MTHFD2L: variants seen among roughly 807,000 people sequenced by gnomAD.
The protein encoded by MTHFD2L is methylenetetrahydrofolate dehydrogenase (NADP+ dependent) 2 like, also known as bifunctional methylenetetrahydrofolate dehydrogenase/cyclohydrolase 2, mitochondrial.
Under a neutral mutation model 34.9 loss-of-function variants are expected in MTHFD2L, and 29 were observed. The observed-to-expected ratio is 0.83, with a 90% CI of 0.62 to 1.13. MTHFD2L has a LOEUF of 1.13. Ranked by LOEUF, MTHFD2L falls within the 50% of genes most tolerant of loss-of-function variation. The probability of loss-of-function intolerance (pLI) is 0.00; values close to 1 mark genes in which losing one functional copy is unlikely to be tolerated. For synonymous variants in MTHFD2L, 167 were observed against 155.7 expected, an observed-to-expected ratio of 1.07 and a Z score of -0.54; for missense variants, 481 against 446.5, an observed-to-expected ratio of 1.08 and a Z score of -0.70.
chr4:74,292,657 T>C (rs892987936), intron 7 of MTHFD2L, among the ~76,000 whole-genome samples: 3 of 152,090 alleles, frequency 2.0e-5, no homozygotes, highest in Non-Finnish European at 4.4e-5. Context: ...GAAAGGGAGA[T>C]ATTTTTAGTA....
chr4:74,203,860 T>C (rs1734854709), intron 5 of MTHFD2L, among the ~76,000 whole-genome samples: 1 of 151,060 alleles, frequency 6.6e-6, no homozygotes, highest in African/African-American at 2.4e-5. Flanking sequence ...AGTATACTAT[T>C]TCTTCTTGGA....
chr4:74,169,532 A>G (rs945743228), intron 1 of MTHFD2L, among the ~76,000 whole-genome samples: 52 of 152,266 alleles, frequency 3.4e-4, no homozygotes, highest in Non-Finnish European at 1.5e-4. Context: ...AATAGAATGT[A>G]TATTCCTTAC....
intron 1 of MTHFD2L, among the ~76,000 whole-genome samples, chr4:74,139,088 G>A (rs980536138): frequency 1.3e-5 from 2 of 152,272 alleles, no homozygotes; most frequent in East Asian, 1.9e-4. Context: ...TTGTTTTGGT[G>A]TTTATTGGGT....
chr4:74,201,416 C>G (rs1201263976), intron 5 of MTHFD2L, 46 bp downstream of exon 5: 2 of 1,368,318 alleles, frequency 1.5e-6, no homozygotes, highest in Non-Finnish European at 2.1e-6. Context: ...AGTATTCTTA[C>G]TTCTTACATC....
At position 74,301,754 on chromosome 4, in the gene MTHFD2L, C is replaced by T; in HGVS notation, c.989C>T (p.Thr330Ile). The T allele has an allele frequency of 6.2e-7, 1 of 1,608,790 alleles. No individual in the cohort carries two copies. The highest frequency in any genetic ancestry group is 8.5e-7 in the Non-Finnish European group (1 of 1,177,102). Residue 330 changes from threonine to isoleucine, a missense_variant, in exon 8 of 8, where the codon ACA (threonine) becomes ATA (isoleucine). By Grantham distance (89) the Thr-to-Ile change is moderately conservative (BLOSUM62 -1). Coordinates refer to ENST00000325278, the MANE Select transcript of MTHFD2L (RefSeq NM_001144978.3). The stretch of plus-strand genomic sequence containing the variant: ...GTTCCAGGAGGTGTGGGACCCATGA[C>T]AGTGGCAATGCTTCTGAAGAACACC... ...TPVPGGVGPM[T>I]VAMLLKNTLL... is the part of the protein sequence containing the mutation.
intron 6 of MTHFD2L, among the ~76,000 whole-genome samples, chr4:74,242,601 A>C (rs142393174): frequency 6.6e-6 from 1 of 152,322 alleles, no homozygotes; most frequent in Non-Finnish European, 1.5e-5. Flanking sequence ...TAGGATTGGA[A>C]ACCAAGTCTG....
intron 5 of MTHFD2L, among the ~76,000 whole-genome samples, chr4:74,209,246 G>C (rs1735877053): frequency 6.6e-6 from 1 of 152,138 alleles, no homozygotes; most frequent in Non-Finnish European, 1.5e-5. Flanking sequence ...AGAACGTGCA[G>C]GTTTGTTACA....
intron 6 of MTHFD2L, among the ~76,000 whole-genome samples, chr4:74,238,717 G>A (rs1177086688): frequency 2.6e-5 from 4 of 152,156 alleles, no homozygotes; most frequent in Admixed American, 1.3e-4. Context: ...CATTTATGCA[G>A]CCAACAAACA....
At chr4:74,250,634 G>A (rs62312514) in intron 6 of MTHFD2L, among the ~76,000 whole-genome samples, 18 of 152,182 alleles carry the variant, frequency 1.2e-4, no homozygotes, top group Non-Finnish European at 1.6e-4. Context: ...AAGGTTCTGC[G>A]TGCAGTTCCT....
At chr4:74,130,942 T>A (rs961643324) in intron 1 of MTHFD2L, among the ~76,000 whole-genome samples, 35 of 152,048 alleles carry the variant, frequency 2.3e-4, no homozygotes, top group African/African-American at 8.0e-4. Flanking sequence ...TATACACCAA[T>A]AATAGACAAA....
At chr4:74,171,116 CTT>C (rs1209849617) in intron 1 of MTHFD2L, among the ~76,000 whole-genome samples, 1 of 151,772 alleles carries the variant, frequency 6.6e-6, no homozygotes, top group African/African-American at 2.4e-5. Flanking sequence ...TACCCTAAAA[CTT>C]AAAGTATAAT....
intron 6 of MTHFD2L, among the ~76,000 whole-genome samples, chr4:74,250,833 G>C (rs781656075): frequency 7.9e-5 from 12 of 152,092 alleles, no homozygotes; most frequent in Non-Finnish European, 1.8e-4. Context: ...TTCTTGCCAA[G>C]AACAGCTGCC....
chr4:74,280,121 A>G (rs1372832405), intron 6 of MTHFD2L: 1 of 152,122 alleles, frequency 6.6e-6, no homozygotes, highest in Non-Finnish European at 1.5e-5. Flanking sequence ...CACTAGAAGC[A>G]TTGTGATAGA....
intron 1 of MTHFD2L, chr4:74,161,087 G>A (rs1267661561): frequency 6.6e-6 from 1 of 151,960 alleles, no homozygotes; most frequent in Non-Finnish European, 1.5e-5. Context: ...ATTGTGTACT[G>A]CCTACAGGTC....
At chr4:74,121,939 C>A (rs1189137734), upstream of MTHFD2L, among the ~76,000 whole-genome samples, 8 of 151,960 alleles carry the variant, frequency 5.3e-5, no homozygotes, top group Admixed American at 1.3e-4. Context: ...AGAGAGTCCT[C>A]AGAAAAATAT....
chr4:74,214,314 T>G (rs1231057740), intron 5 of MTHFD2L, among the ~76,000 whole-genome samples: 1 of 151,828 alleles, frequency 6.6e-6, no homozygotes, highest in Non-Finnish European at 1.5e-5. Flanking sequence ...ATTTTCAGCC[T>G]TTTTGTGCTG....
intron 3 of MTHFD2L, among the ~76,000 whole-genome samples, chr4:74,189,778 T>G (rs1732144503): frequency 6.6e-6 from 1 of 152,128 alleles, no homozygotes; most frequent in Admixed American, 6.6e-5. Context: ...AACAAGTTAC[T>G]TTTTTATTTT....
chr4:74,206,906 A>G (rs1482009349), intron 5 of MTHFD2L, among the ~76,000 whole-genome samples: 1 of 151,992 alleles, frequency 6.6e-6, no homozygotes, highest in African/African-American at 2.4e-5. Flanking sequence ...TTTAATTTTG[A>G]ATTTTTACTT....
intron 1 of MTHFD2L, among the ~76,000 whole-genome samples, chr4:74,167,442 A>G (rs1381560503): frequency 2.0e-5 from 3 of 152,218 alleles, no homozygotes; most frequent in Non-Finnish European, 4.4e-5. Context: ...TGACATAAAG[A>G]AATGGAGAGC....
Sources: gnomAD v4.1 joint callset for allele counts (sites outside exome capture counted in the v4.1 genomes callset) on GRCh38, gnomAD v4.1.1 for gene constraint, MANE v1.5 for transcripts, NCBI Gene and HGNC (gene_info 2026-07-23, HGNC 2026-07-21) for gene names.